The following TMEM50A variants were observed in gnomAD, a reference collection of about 807,000 sequenced individuals.
TMEM50A encodes transmembrane protein 50A, also known as cervical cancer oncogene 9.
TMEM50A carries 8 observed loss-of-function variants against 23.9 expected under a neutral mutation model. The ratio of observed to expected loss-of-function variants is 0.33; its 90% CI spans 0.20 to 0.60. TMEM50A has a LOEUF of 0.60. TMEM50A is among the 20% of genes least tolerant of loss of function. The pLI is 0.81. For synonymous variants in TMEM50A, 55 were observed against 60.4 expected (o/e 0.91, Z 0.41); for missense variants, 178 against 192.7 (o/e 0.92, Z 0.45).
At chr1:25,355,165 C>G (rs1645321472) in intron 5 of TMEM50A, among the ~76,000 whole-genome samples, 1 of 151,824 alleles carries the variant, frequency 6.6e-6, no homozygotes, top group African/African-American at 2.4e-5. Context: ...AAAAATTAGC[C>G]AGGCATGGTG....
rs773754427 is a variant in TMEM50A, at chr1:25,343,007, C to A, written c.140C>A (p.Pro47His). 6.8e-6 allele frequency: 11 copies of A among 1,613,350 alleles called. No individual in the cohort carries two copies. In the South Asian group the frequency reaches 1.2e-4, roughly 18 times the overall value. Reference sequence around the variant, plus strand: ...ATCATAGATGCAGCTGTTATTTATCCCACCATGAAAGATTTCAACCACTCA... The same window carrying A: ...ATCATAGATGCAGCTGTTATTTATCACACCATGAAAGATTTCAACCACTCA... The part of the protein sequence containing the change: ...WIIIDAAVIY[P>H]TMKDFNHSYH... Residue 47 changes from proline to histidine, a missense_variant, in exon 3 of 7, where the codon CCC (proline) becomes CAC (histidine). Coordinates refer to ENST00000374358, the MANE Select transcript of TMEM50A (RefSeq NM_014313.4).
Position 25,362,271 on chromosome 1 carries a change from T to A in TMEM50A, c.*1566T>A. The A allele has an allele frequency of 1.3e-6, 1 of 758,546 alleles. No homozygotes were observed. Among genetic ancestry groups the A allele is most frequent in the Non-Finnish European group, 2.1e-6 (1 of 480,548 alleles). 47.0% of individuals were successfully genotyped at this position (758,546 alleles called of 1,614,324 possible). A position where few individuals can be genotyped will look rare whatever the true frequency, so the allele number is the denominator to read the frequency against. On this transcript the variant is annotated 3_prime_UTR_variant, in exon 7 of 7. Coordinates refer to ENST00000374358, the MANE Select transcript of TMEM50A (RefSeq NM_014313.4). ...CAATAAAATTAACCCAAAACTTTAA[T>A]AATGTGTCTGTAACCAAGAAAATAT...
Position 25,340,416 on chromosome 1 carries a change from G to A in TMEM50A, c.-13-58G>A, listed in dbSNP as rs1010606766. The A allele has an allele frequency of 3.1e-5, 37 of 1,184,562 alleles. 1 individual carries two copies. The East Asian group carries it at 8.0e-4, about 26-fold the overall frequency. 73.4% of individuals were successfully genotyped at this position (1,184,562 alleles called of 1,614,324 possible). A position where few individuals can be genotyped will look rare whatever the true frequency, so the allele number is the denominator to read the frequency against. On this transcript the variant is annotated intron_variant, in intron 1 of 6. Transcript: ENST00000374358. ...ATTCCTGAGCTATTAATTATTTTTC[G>A]GGCTTGAAGCAAGTAAATGGAAGTA...
intron 5 of TMEM50A, 139 bp from the exon 6 acceptor site, chr1:25,356,654 T>G (rs1231306811): frequency 3.2e-6 from 2 of 624,036 alleles, no homozygotes; most frequent in Middle Eastern, 2.5e-4. Flanking sequence ...TGTTACACAT[T>G]ATGTCTTTTA....
intron 3 of TMEM50A, among the ~76,000 whole-genome samples, chr1:25,346,865 C>T (rs781385626): frequency 6.6e-6 from 1 of 151,918 alleles, no homozygotes; most frequent in African/African-American, 2.4e-5. Flanking sequence ...CAAAAAAATA[C>T]AAAAATCAGC....
At chr1:25,350,293 A>G (rs1645262870) in intron 3 of TMEM50A, among the ~76,000 whole-genome samples, 1 of 152,218 alleles carries the variant, frequency 6.6e-6, no homozygotes, top group Non-Finnish European at 1.5e-5. Flanking sequence ...AGTACATGTT[A>G]TGTCTGATAC....
intron 3 of TMEM50A, among the ~76,000 whole-genome samples, chr1:25,345,383 A>G (rs1203502127): frequency 1.3e-5 from 2 of 152,204 alleles, no homozygotes; most frequent in East Asian, 3.9e-4. Context: ...GATCGAGACC[A>G]TCCTGGCTAA....
chr1:25,344,183 G>A (rs184352609), intron 3 of TMEM50A, among the ~76,000 whole-genome samples: 37 of 152,294 alleles, frequency 2.4e-4, no homozygotes, highest in African/African-American at 8.7e-4. Context: ...CGATGTTACA[G>A]TGAGTCATGA....
chr1:25,341,257 GTTTT>G (rs3093574), intron 2 of TMEM50A, among the ~76,000 whole-genome samples: 1 of 151,096 alleles, frequency 6.6e-6, no homozygotes, highest in Non-Finnish European at 1.5e-5. Context: ...TGTTGTTTTT[GTTTT>G]TTTTGGTTTT....
At chr1:25,353,063 T>G in intron 5 of TMEM50A, 89 bp downstream of exon 5, 1 of 1,220,264 alleles carries the variant, frequency 8.2e-7, no homozygotes, top group South Asian at 1.4e-5. Context: ...ATTTTTTTCC[T>G]ATAGTTGGGC....
chr1:25,358,399 A>C (rs1645359339), intron 6 of TMEM50A, among the ~76,000 whole-genome samples: 1 of 152,222 alleles, frequency 6.6e-6, no homozygotes. Flanking sequence ...AATCCAAAAA[A>C]GGCTAGGAAT....
At chr1:25,359,072 T>C (rs1231471982) in intron 6 of TMEM50A, among the ~76,000 whole-genome samples, 1 of 152,182 alleles carries the variant, frequency 6.6e-6, no homozygotes, top group Non-Finnish European at 1.5e-5. Context: ...CCCATTTCAT[T>C]TGGTGCCTGG....
At chr1:25,342,077 T>A (rs1645174629) in intron 2 of TMEM50A, among the ~76,000 whole-genome samples, 2 of 152,122 alleles carry the variant, frequency 1.3e-5, no homozygotes, top group African/African-American at 4.8e-5. Context: ...AAGAAAGGCA[T>A]ATGTACTCAT....
At chr1:25,351,792 G>A in intron 4 of TMEM50A, 99 bp downstream of exon 4, 1 of 972,104 alleles carries the variant, frequency 1.0e-6, no homozygotes, top group Non-Finnish European at 1.5e-6. Flanking sequence ...TAATATATCT[G>A]TGAGTAACAG....
At position 25,357,528 on chromosome 1, in the gene TMEM50A, A is replaced by AGTGTGTGTGT. The variant is rs58801158; in HGVS notation, c.428+700_428+709dup. ...ACAGCTCTTAATCCTCTGCATCAGG[A>AGTGTGTGTGT]GTGTGTGTGTGTGTGTGTGTGTGTG... On this transcript the variant is annotated intron_variant, in intron 6 of 6. Coordinates refer to ENST00000374358, the MANE Select transcript of TMEM50A (RefSeq NM_014313.4). Among the ~76,000 whole-genome samples the AGTGTGTGTGT allele has an allele frequency of 2.0e-3, 284 of 139,658 alleles. 2 individuals are homozygous for AGTGTGTGTGT. The highest frequency in any genetic ancestry group is 6.8e-3 in the African/African-American group (251 of 36,936). The allele number at this position is 139,658 out of a possible 152,430, so 91.6% of individuals were successfully genotyped here. A position where few individuals can be genotyped will look rare whatever the true frequency, so the allele number is the denominator to read the frequency against.
chr1:25,359,660 A>G (rs1286825533), intron 6 of TMEM50A, among the ~76,000 whole-genome samples: 1 of 152,140 alleles, frequency 6.6e-6, no homozygotes, highest in African/African-American at 2.4e-5. Context: ...CTGTGAGGGC[A>G]AATTCCTGTC....
At chr1:25,357,562 T>TTG (rs1553152308) in intron 6 of TMEM50A, among the ~76,000 whole-genome samples, 15 of 132,016 alleles carry the variant, frequency 1.1e-4, no homozygotes, top group African/African-American at 3.8e-4. Context: ...TGTGTGTGTG[T>TTG]TGTGTGTGTG....
intron 3 of TMEM50A, among the ~76,000 whole-genome samples, chr1:25,346,077 C>T (rs1454538799): frequency 6.6e-6 from 1 of 152,080 alleles, no homozygotes; most frequent in Non-Finnish European, 1.5e-5. Flanking sequence ...CGTGAGCCAC[C>T]ACACCCGGCC....
intron 3 of TMEM50A, among the ~76,000 whole-genome samples, chr1:25,351,307 A>C (rs1441280658): frequency 6.6e-6 from 1 of 152,108 alleles, no homozygotes; most frequent in Non-Finnish European, 1.5e-5. Context: ...CAGGAGTTTG[A>C]GACCAGCCTG....
Sources: allele counts gnomAD v4.1 joint callset (sites outside exome capture counted in the v4.1 genomes callset), GRCh38; gene constraint gnomAD v4.1.1; transcripts MANE v1.5; gene names NCBI Gene and HGNC (gene_info 2026-07-23, HGNC 2026-07-21).